Variants in DNMBP observed in about 807,000 individuals in gnomAD.
DNMBP encodes dynamin-binding protein.
In DNMBP, 87 loss-of-function variants were observed where a neutral mutation model predicts 150.0. The ratio of observed to expected loss-of-function variants is 0.58; its 90% confidence interval spans 0.49 to 0.69. The LOEUF (loss-of-function observed/expected upper bound fraction) is 0.69. Ranked by LOEUF, DNMBP falls within the 30% of genes least tolerant of loss-of-function variation. The probability of loss-of-function intolerance (pLI) is 0.00; values close to 1 mark genes in which losing one functional copy is unlikely to be tolerated. For synonymous variants in DNMBP, 711 were observed against 750.4 expected, an observed-to-expected ratio of 0.95 and a Z score of 0.86; for missense variants, 1,774 against 1,949.0, an observed-to-expected ratio of 0.91 and a Z score of 1.69.
chr10:99,889,081 G>C, intron 11 of DNMBP, 128 bp from the exon 12 acceptor site: 8 of 1,065,338 alleles, frequency 7.5e-6, no homozygotes, highest in Non-Finnish European at 9.3e-6. Context: ...AACTAGTCTG[G>C]TATTTTAGCT....
At chr10:99,903,650 T>A (rs1301279920) in intron 6 of DNMBP, among the ~76,000 whole-genome samples, 3 of 151,904 alleles carry the variant, frequency 2.0e-5, no homozygotes, top group African/African-American at 7.3e-5. Flanking sequence ...CACTTTGGAA[T>A]TCCTAAAGCC....
chr10:99,910,613 G>C (rs2133248885), intron 4 of DNMBP, among the ~76,000 whole-genome samples: 1 of 152,028 alleles, frequency 6.6e-6, no homozygotes, highest in African/African-American at 2.4e-5. Flanking sequence ...CCACTAAAAG[G>C]AGGCAGGGTT....
At chr10:99,969,280 TC>T (rs2040651947) in intron 2 of DNMBP, 43 bp from the exon 3 acceptor site, 2 of 1,609,490 alleles carry the variant, frequency 1.2e-6, no homozygotes, top group South Asian at 2.2e-5. Context: ...TACTGAGATT[TC>T]TTTTCCCGTC....
Position 99,926,019 on chromosome 10 carries a change from GT to G in DNMBP, c.2261-16874del, listed in dbSNP as rs2040074172. Among the ~76,000 whole-genome samples the G allele has an allele frequency of 2.6e-5, 4 of 152,190 alleles. No individual in the cohort carries two copies. The East Asian group carries it at 7.7e-4, about 29-fold the overall frequency. ...AACCCTGAACCTTTAGCCCTCTCTAGTTTTGTTTAGAGCCCTCTCTAGTTTC... is the reference window on the plus strand; with the variant it reads ...AACCCTGAACCTTTAGCCCTCTCTAGTTTGTTTAGAGCCCTCTCTAGTTTC... On this transcript the variant is annotated intron_variant, in intron 4 of 16. Coordinates refer to ENST00000324109, the MANE Select transcript of DNMBP (RefSeq NM_015221.4).
intron 4 of DNMBP, chr10:99,930,634 T>C: frequency 1.4e-6 from 1 of 703,034 alleles, no homozygotes; most frequent in Non-Finnish European, 2.6e-6. Flanking sequence ...TCATTTTCTC[T>C]GTAGAGTCCA....
chr10:99,888,423 C>T (rs2039504599), intron 12 of DNMBP, among the ~76,000 whole-genome samples: 1 of 152,126 alleles, frequency 6.6e-6, no homozygotes, highest in Non-Finnish European at 1.5e-5. Context: ...CTTGGCCAGG[C>T]TGGTCTTGAA....
rs942585273 is a variant in DNMBP, at chr10:99,886,568, G to A, written c.3350C>T (p.Pro1117Leu). The A allele has an allele frequency of 5.0e-6, 8 of 1,614,166 alleles. No individual in the cohort carries two copies. Among genetic ancestry groups the A allele is most frequent in the Non-Finnish European group, 6.8e-6 (8 of 1,180,036 alleles). ...LNQLLSMFTG[P>L]HKLVQKRFDK... ...AAAGCGTTTCTGTACCAGCTTATGGGGCCCTGTAAACATGCTCAGTAACTG... is the reference window on the plus strand; with the variant it reads ...AAAGCGTTTCTGTACCAGCTTATGGAGCCCTGTAAACATGCTCAGTAACTG... The change falls in exon 13 of 17, where the codon CCC (proline) becomes CTC (leucine). Residue 1117 changes from proline (P) to leucine (L), a missense_variant. Pro to Leu is a moderately conservative substitution (Grantham distance 98). Around this residue, in one of 2 missense-constraint regions of DNMBP, gnomAD observed 1,430 missense variants for 1,492.5 expected, o/e 0.96. Transcript: ENST00000324109.
intron 4 of DNMBP, among the ~76,000 whole-genome samples, chr10:99,913,362 C>T (rs1375451921): frequency 6.6e-6 from 1 of 151,968 alleles, no homozygotes; most frequent in Non-Finnish European, 1.5e-5. Flanking sequence ...AGGTAATAAC[C>T]CAACAAACAT....
At chr10:99,971,282 G>C (rs2040674174) in intron 2 of DNMBP, among the ~76,000 whole-genome samples, 1 of 151,892 alleles carries the variant, frequency 6.6e-6, no homozygotes, top group African/African-American at 2.4e-5. Flanking sequence ...TTATTGACTT[G>C]GGCTTCCCAT....
At chr10:99,964,135 C>CTTTTTTTTTTTT (rs895801002) in intron 3 of DNMBP, among the ~76,000 whole-genome samples, 12 of 87,236 alleles carry the variant, frequency 1.4e-4, no homozygotes, top group African/African-American at 2.0e-4. Flanking sequence ...TATTCTCTCT[C>CTTTTTTTTTTTT]TTTTTTTTTT....
intron 1 of DNMBP, among the ~76,000 whole-genome samples, chr10:99,986,632 A>C (rs11190352): frequency 0.036 from 5,208 of 145,052 alleles, 123 homozygotes; most frequent in South Asian, 0.07. Flanking sequence ...AAAACCTGCA[A>C]GGCAGGATAA....
intron 11 of DNMBP, among the ~76,000 whole-genome samples, chr10:99,891,617 T>TC (rs1491377707): frequency 2.7e-5 from 4 of 149,080 alleles, no homozygotes; most frequent in Non-Finnish European, 4.4e-5. Flanking sequence ...GTGAGGAGTG[T>TC]CTCTGCCTGG....
At chr10:99,970,329 G>A (rs2040661246) in intron 2 of DNMBP, among the ~76,000 whole-genome samples, 1 of 152,344 alleles carries the variant, frequency 6.6e-6, no homozygotes, top group South Asian at 2.1e-4. Context: ...ACAGATGCAT[G>A]TGGTGTGGGA....
intron 1 of DNMBP, among the ~76,000 whole-genome samples, chr10:99,974,328 C>T (rs1249258256): frequency 6.6e-6 from 1 of 152,080 alleles, no homozygotes; most frequent in Non-Finnish European, 1.5e-5. Context: ...TGTCCATTAC[C>T]TTGATGCATG....
Position 100,001,410 on chromosome 10 carries a change from G to GTTTTTTTTTTT in DNMBP, c.-11+8427_-11+8428insAAAAAAAAAAA, listed in dbSNP as rs1346291816. ...ACAATTGTGATGGGGTTTTGTTGTTGTTGTTTTTTTTTTTTTTTTGAGACA... is the reference window on the plus strand; with the variant it reads ...ACAATTGTGATGGGGTTTTGTTGTTGTTTTTTTTTTTTTGTTTTTTTTTTTTTTTTGAGACA... On this transcript the variant is annotated intron_variant, in intron 1 of 16. Coordinates refer to ENST00000324109, the MANE Select transcript of DNMBP (RefSeq NM_015221.4). Among the ~76,000 whole-genome samples, 25 of 96,376 alleles carry GTTTTTTTTTTT rather than the reference G, an allele frequency of 2.6e-4. 1 individual carries two copies. Among genetic ancestry groups the GTTTTTTTTTTT allele is most frequent in the African/African-American group, 8.2e-4 (21 of 25,568 alleles). The allele number at this position is 96,376 out of a possible 152,430, so 63.2% of individuals were successfully genotyped here. A position where few individuals can be genotyped will look rare whatever the true frequency, so the allele number is the denominator to read the frequency against.
intron 6 of DNMBP, among the ~76,000 whole-genome samples, chr10:99,907,427 G>C (rs1188455452): frequency 6.7e-6 from 1 of 149,322 alleles, no homozygotes; most frequent in Non-Finnish European, 1.5e-5. Flanking sequence ...ACCAAGTCTT[G>C]CTCTGTACCC....
intron 4 of DNMBP, chr10:99,914,161 G>A: frequency 1.0e-5 from 13 of 1,277,000 alleles, no homozygotes; most frequent in South Asian, 2.8e-5. Flanking sequence ...GGATGGAGCT[G>A]GAACCCTAAG....
At chr10:99,931,334 AGAGTCAG>A (rs2040155373) in intron 4 of DNMBP, among the ~76,000 whole-genome samples, 1 of 152,156 alleles carries the variant, frequency 6.6e-6, no homozygotes, top group Non-Finnish European at 1.5e-5. Flanking sequence ...CCCTTAACTT[AGAGTCAG>A]GACTCTTCTG....
At chr10:99,960,347 C>T (rs970756408) in intron 3 of DNMBP, among the ~76,000 whole-genome samples, 1 of 152,062 alleles carries the variant, frequency 6.6e-6, no homozygotes, top group African/African-American at 2.4e-5. Context: ...ATTTCTTTCT[C>T]ACTCAGTACC....
Sources: allele counts gnomAD v4.1 joint callset (sites outside exome capture counted in the v4.1 genomes callset), GRCh38; gene constraint gnomAD v4.1.1; regional missense constraint gnomAD v4.1.1; transcripts MANE v1.5; gene names NCBI Gene and HGNC (gene_info 2026-07-23, HGNC 2026-07-21).